NSMCE2: variants seen among roughly 807,000 people sequenced by gnomAD.
NSMCE2 encodes E3 SUMO-protein ligase NSE2.
NSMCE2 carries 24 observed loss-of-function variants against 23.8 expected under a neutral mutation model. The ratio of observed to expected loss-of-function variants is 1.01; its 90% CI spans 0.73 to 1.42. The LOEUF is 1.42. Among genes scored for constraint, NSMCE2 ranks in the 40% most tolerant of loss-of-function variants. The pLI is 0.00. For missense variants in NSMCE2, 284 were observed against 296.5 expected (o/e 0.96, Z 0.31); for synonymous variants, 92 against 94.1 (o/e 0.98, Z 0.13).
intron 5 of NSMCE2, among the ~76,000 whole-genome samples, chr8:125,258,519 G>A (rs1309353050): frequency 6.6e-6 from 1 of 152,062 alleles, no homozygotes; most frequent in Non-Finnish European, 1.5e-5. Context: ...GCCTCCATAG[G>A]AAAGCAGCCT....
intron 3 of NSMCE2, among the ~76,000 whole-genome samples, chr8:125,140,068 G>T (rs560803760): frequency 2.1e-4 from 32 of 152,340 alleles, no homozygotes; most frequent in African/African-American, 6.5e-4. Flanking sequence ...CACAGCAATG[G>T]TTGCCTCTAA....
chr8:125,232,375 GA>G (rs1308511987), intron 5 of NSMCE2, among the ~76,000 whole-genome samples: 1 of 150,728 alleles, frequency 6.6e-6, no homozygotes, highest in Non-Finnish European at 1.5e-5. Context: ...AAAAAAAAAA[GA>G]AAGAAAGAAA....
chr8:125,118,314 GAGGT>G (rs546177421), intron 3 of NSMCE2, among the ~76,000 whole-genome samples: 2 of 152,324 alleles, frequency 1.3e-5, no homozygotes, highest in African/African-American at 4.8e-5. Flanking sequence ...CCAGGAGGCA[GAGGT>G]TGCAGTGAGC....
At chr8:125,358,192 GCT>G in intron 7 of NSMCE2, among the ~76,000 whole-genome samples, 1 of 151,954 alleles carries the variant, frequency 6.6e-6, no homozygotes, top group Admixed American at 6.6e-5. Context: ...AATTAGCCAG[GCT>G]TGGTGGCAGG....
rs758594264 is a variant in NSMCE2, at chr8:125,151,285, TATACCACTCCCTGGTTA to T, written c.264+9_264+25del. The T allele has an allele frequency of 7.3e-7, 1 of 1,365,512 alleles. No individual in the cohort carries two copies. Among genetic ancestry groups the T allele is most frequent in the Non-Finnish European group, 1.0e-6 (1 of 957,030 alleles). The allele number at this position is 1,365,512 out of a possible 1,614,324, so 84.6% of individuals were successfully genotyped here. A position where few individuals can be genotyped will look rare whatever the true frequency, so the allele number is the denominator to read the frequency against. ...CAATCTACAATAAATCATGTAAGTT[TATACCACTCCCTGGTTA>T]TATATTTGGTTACAACTCACTGACC... is the stretch of plus-strand genomic sequence containing the variant. On this transcript the variant is annotated intron_variant, in intron 4 of 7. Coordinates refer to ENST00000287437, the MANE Select transcript of NSMCE2 (RefSeq NM_173685.4).
intron 5 of NSMCE2, among the ~76,000 whole-genome samples, chr8:125,321,307 G>A (rs1462262767): frequency 2.6e-5 from 4 of 152,054 alleles, no homozygotes; most frequent in Non-Finnish European, 5.9e-5. Flanking sequence ...AGTTTTTCAA[G>A]CAAAAATAAT....
intron 5 of NSMCE2, among the ~76,000 whole-genome samples, chr8:125,187,815 T>C (rs1187761480): frequency 6.6e-6 from 1 of 152,196 alleles, no homozygotes; most frequent in Non-Finnish European, 1.5e-5. Context: ...TAAGTGTTAA[T>C]TTAATATGCA....
chr8:125,190,594 G>T (rs1419483756), intron 5 of NSMCE2, among the ~76,000 whole-genome samples: 5 of 152,272 alleles, frequency 3.3e-5, no homozygotes, highest in Non-Finnish European at 7.4e-5. Context: ...GAGTTTTAAT[G>T]AGGTCATTAA....
chr8:125,207,411 C>A (rs1186011256), intron 5 of NSMCE2, among the ~76,000 whole-genome samples: 1 of 152,056 alleles, frequency 6.6e-6, no homozygotes, highest in African/African-American at 2.4e-5. Flanking sequence ...CCAAAGCTAG[C>A]AATTACTTTT....
intron 5 of NSMCE2, among the ~76,000 whole-genome samples, chr8:125,206,992 T>C (rs935973218): frequency 6.6e-6 from 1 of 152,120 alleles, no homozygotes. Context: ...AAGTTTGTCT[T>C]CTTAGTATCA....
chr8:125,255,339 A>G (rs1490363003), intron 5 of NSMCE2, among the ~76,000 whole-genome samples: 2 of 152,360 alleles, frequency 1.3e-5, no homozygotes, highest in South Asian at 2.1e-4. Flanking sequence ...ACAAGGAGGT[A>G]GACACATAAA....
At chr8:125,304,070 C>T (rs965480137) in intron 5 of NSMCE2, among the ~76,000 whole-genome samples, 1 of 152,136 alleles carries the variant, frequency 6.6e-6, no homozygotes, top group African/African-American at 2.4e-5. Flanking sequence ...GATATTAATT[C>T]ACTGTACTGA....
intron 5 of NSMCE2, among the ~76,000 whole-genome samples, chr8:125,268,557 T>A (rs2131076658): frequency 6.6e-6 from 1 of 152,312 alleles, no homozygotes; most frequent in East Asian, 1.9e-4. Flanking sequence ...AAATATTCCT[T>A]AGGTTGTTGG....
At chr8:125,235,136 G>T (rs1017698594) in intron 5 of NSMCE2, among the ~76,000 whole-genome samples, 1 of 152,000 alleles carries the variant, frequency 6.6e-6, no homozygotes, top group African/African-American at 2.4e-5. Flanking sequence ...AGCTACTCGG[G>T]AGGCTGAGGC....
intron 5 of NSMCE2, among the ~76,000 whole-genome samples, chr8:125,240,968 T>C (rs986716093): frequency 1.3e-5 from 2 of 152,192 alleles, no homozygotes; most frequent in African/African-American, 4.8e-5. Context: ...GCAGCTTCCA[T>C]GGTCACTGGT....
chr8:125,155,504 A>G (rs1044025030), intron 4 of NSMCE2, among the ~76,000 whole-genome samples: 22 of 152,190 alleles, frequency 1.4e-4, no homozygotes, highest in African/African-American at 5.3e-4. Context: ...TCATTTAGTA[A>G]TAGATTTTTG....
intron 5 of NSMCE2, among the ~76,000 whole-genome samples, chr8:125,220,020 T>C (rs190412885): frequency 6.6e-6 from 1 of 152,290 alleles, no homozygotes; most frequent in East Asian, 1.9e-4. Context: ...GATTATATAA[T>C]GGGAAGTTCA....
chr8:125,316,267 C>A (rs1829174332), intron 5 of NSMCE2, among the ~76,000 whole-genome samples: 15 of 152,238 alleles, frequency 9.9e-5, no homozygotes, highest in Admixed American at 9.2e-4. Context: ...CAATTCAGAA[C>A]AATTCACCTT....
chr8:125,167,025 A>G (rs929765529), intron 4 of NSMCE2, among the ~76,000 whole-genome samples: 4 of 152,190 alleles, frequency 2.6e-5, no homozygotes, highest in Non-Finnish European at 4.4e-5. Context: ...AGCACCACGT[A>G]TGTGGATTCC....
Sources: gnomAD v4.1 joint callset for allele counts (sites outside exome capture counted in the v4.1 genomes callset) on GRCh38, gnomAD v4.1.1 for gene constraint, MANE v1.5 for transcripts, NCBI Gene and HGNC (gene_info 2026-07-23, HGNC 2026-07-21) for gene names.